The following MYO3B variants were observed in gnomAD, a reference collection of about 807,000 sequenced individuals.
The protein encoded by MYO3B is myosin-IIIb.
In MYO3B, 156 loss-of-function variants were observed where a neutral mutation model predicts 174.6. The observed-to-expected ratio is 0.89, with a 90% CI of 0.78 to 1.02. The LOEUF is 1.02. Among genes scored for constraint, MYO3B ranks in the 50% least tolerant of loss-of-function variants. MYO3B has a pLI of 0.00. For missense variants in MYO3B, 1,632 were observed against 1,639.4 expected (o/e 1.00, Z 0.08); for synonymous variants, 563 against 569.1 (o/e 0.99, Z 0.15).
chr2:170,305,261 T>C (rs1402872319), intron 7 of MYO3B, among the ~76,000 whole-genome samples: 1 of 152,196 alleles, frequency 6.6e-6, no homozygotes, highest in African/African-American at 2.4e-5. Context: ...TATCCTACAC[T>C]AAAACGTTAC....
intron 9 of MYO3B, among the ~76,000 whole-genome samples, chr2:170,375,610 A>G (rs1456523082): frequency 6.6e-6 from 1 of 151,550 alleles, no homozygotes; most frequent in Non-Finnish European, 1.5e-5. Flanking sequence ...ATTTCTTTTC[A>G]ACCTGCAGCA....
chr2:170,556,152 C>T (rs1388468702), intron 32 of MYO3B, among the ~76,000 whole-genome samples: 3 of 151,414 alleles, frequency 2.0e-5, no homozygotes, highest in African/African-American at 4.9e-5. Flanking sequence ...GCCGAGATCA[C>T]GCCATTGAAC....
Position 170,335,108 on chromosome 2 carries a change from T to C in MYO3B, c.750-277T>C, listed in dbSNP as rs903781267. Reference sequence around the variant, plus strand: ...GTAGTTTGTGTGCTTGCCTCACCCCTCATTAGGGTGTCTGCTTCTTGAAGA... The same window carrying C: ...GTAGTTTGTGTGCTTGCCTCACCCCCCATTAGGGTGTCTGCTTCTTGAAGA... On this transcript the variant is annotated intron_variant, in intron 7 of 34. Transcript: ENST00000408978. Among the ~76,000 whole-genome samples, 9 of 152,258 alleles carry C rather than the reference T, an allele frequency of 5.9e-5. No homozygotes were observed. The East Asian group carries it at 1.7e-3, about 29-fold the overall frequency.
chr2:170,506,662 T>A (rs1221494047), intron 28 of MYO3B, among the ~76,000 whole-genome samples: 1 of 152,216 alleles, frequency 6.6e-6, no homozygotes, highest in Non-Finnish European at 1.5e-5. Context: ...TTGCCAACGC[T>A]CTTTGGAATG....
chr2:170,451,895 C>T (rs969387895), intron 23 of MYO3B, among the ~76,000 whole-genome samples: 1 of 152,156 alleles, frequency 6.6e-6, no homozygotes, highest in Non-Finnish European at 1.5e-5. Context: ...CATCCTGGAT[C>T]CCCAAAAAGA....
intron 32 of MYO3B, among the ~76,000 whole-genome samples, chr2:170,575,493 A>C (rs1221594056): frequency 6.6e-6 from 1 of 152,194 alleles, no homozygotes; most frequent in Non-Finnish European, 1.5e-5. Context: ...GTAAAACTTT[A>C]TTTCTGTGCA....
At chr2:170,495,728 A>G (rs1053979002) in intron 25 of MYO3B, among the ~76,000 whole-genome samples, 3 of 152,226 alleles carry the variant, frequency 2.0e-5, no homozygotes, top group African/African-American at 7.2e-5. Flanking sequence ...AACACTGAGC[A>G]TTCACCATAA....
At chr2:170,354,797 T>G (rs2094107172) in intron 8 of MYO3B, among the ~76,000 whole-genome samples, 1 of 152,164 alleles carries the variant, frequency 6.6e-6, no homozygotes, top group Non-Finnish European at 1.5e-5. Flanking sequence ...ATGGAGCTGT[T>G]CTGCTCCATC....
intron 32 of MYO3B, among the ~76,000 whole-genome samples, chr2:170,623,629 TA>T (rs1351571069): frequency 6.6e-6 from 1 of 152,256 alleles, no homozygotes; most frequent in African/African-American, 2.4e-5. Context: ...TTTGGTGTTT[TA>T]GACATGAAGT....
chr2:170,647,013 T>C, intron 32 of MYO3B: 1 of 891,668 alleles, frequency 1.1e-6, no homozygotes, highest in Non-Finnish European at 1.6e-6. Context: ...GTCCATCATA[T>C]GGAACGTTTT....
At chr2:170,393,934 G>T (rs149526721) in intron 16 of MYO3B, among the ~76,000 whole-genome samples, 4 of 152,122 alleles carry the variant, frequency 2.6e-5, no homozygotes, top group Non-Finnish European at 5.9e-5. Flanking sequence ...TAAAGAACAG[G>T]TTTTTTAAAT....
At chr2:170,566,353 A>G (rs1692077706) in intron 32 of MYO3B, among the ~76,000 whole-genome samples, 1 of 152,240 alleles carries the variant, frequency 6.6e-6, no homozygotes, top group African/African-American at 2.4e-5. Flanking sequence ...TATGAGTTCT[A>G]AAATATGGCA....
At chr2:170,238,155 AG>A (rs1285632095) in intron 7 of MYO3B, among the ~76,000 whole-genome samples, 1 of 152,230 alleles carries the variant, frequency 6.6e-6, no homozygotes. Context: ...TTCTCTTTGA[AG>A]GGTTATGGAT....
chr2:170,640,755 T>C (rs1184606521), intron 32 of MYO3B: 1 of 152,194 alleles, frequency 6.6e-6, no homozygotes, highest in Non-Finnish European at 1.5e-5. Context: ...CTATAGGAAA[T>C]GGAATCTAGC....
At chr2:170,503,358 T>A (rs532721508) in intron 28 of MYO3B, among the ~76,000 whole-genome samples, 2 of 152,238 alleles carry the variant, frequency 1.3e-5, no homozygotes, top group South Asian at 4.1e-4. Context: ...AGGATAGTAA[T>A]AATTGTATCT....
intron 30 of MYO3B, among the ~76,000 whole-genome samples, chr2:170,523,977 A>G (rs1423820299): frequency 1.3e-5 from 2 of 152,208 alleles, no homozygotes; most frequent in African/African-American, 2.4e-5. Context: ...CTGCCTCAAG[A>G]GTCCTGGAGA....
At chr2:170,398,770 G>A (rs991725175) in intron 16 of MYO3B, among the ~76,000 whole-genome samples, 2 of 152,132 alleles carry the variant, frequency 1.3e-5, no homozygotes, top group Admixed American at 6.5e-5. Flanking sequence ...GATTAGTTCC[G>A]GGAACCCCCA....
At chr2:170,457,652 C>A (rs918231562) in intron 23 of MYO3B, among the ~76,000 whole-genome samples, 5 of 152,162 alleles carry the variant, frequency 3.3e-5, no homozygotes, top group Non-Finnish European at 5.9e-5. Flanking sequence ...ATAACAATGC[C>A]TTCTTTTGGA....
rs181999058 is a variant in MYO3B at position 170,225,847 on chromosome 2, A to G, written c.603+8452A>G. Among the ~76,000 whole-genome samples, 159 of 152,348 alleles carry G rather than the reference A, an allele frequency of 1.0e-3. 1 individual carries two copies. Among genetic ancestry groups the G allele is most frequent in the African/African-American group, 3.7e-3 (153 of 41,586 alleles). ...AGATAAAATGAAATAATGTACTGCA[A>G]CTGTTCAGGGCAGTGCCAGACGCAA... On this transcript the variant is annotated intron_variant, in intron 6 of 34. Transcript: ENST00000408978.
Sources: allele counts gnomAD v4.1 joint callset (sites outside exome capture counted in the v4.1 genomes callset), GRCh38; gene constraint gnomAD v4.1.1; transcripts MANE v1.5; gene names NCBI Gene and HGNC (gene_info 2026-07-23, HGNC 2026-07-21).